SPOCK1: variants seen among roughly 807,000 people sequenced by gnomAD.
The protein encoded by SPOCK1 is SPARC (osteonectin), cwcv and kazal like domains proteoglycan 1.
SPOCK1 carries 23 observed loss-of-function variants against 55.3 expected under a neutral mutation model. The ratio of observed to expected loss-of-function variants is 0.42; its 90% CI spans 0.30 to 0.59. SPOCK1 has a LOEUF of 0.59. Among genes scored for constraint, SPOCK1 ranks in the 20% least tolerant of loss-of-function variants. The pLI, the probability that SPOCK1 is intolerant of heterozygous loss-of-function variation, is 0.22. For synonymous variants in SPOCK1, 226 were observed against 221.0 expected, an observed-to-expected ratio of 1.02 and a Z score of -0.20; for missense variants, 499 against 552.5, an observed-to-expected ratio of 0.90 and a Z score of 0.97.
intron 6 of SPOCK1, among the ~76,000 whole-genome samples, chr5:137,031,938 ATGTG>A (rs1349409736): frequency 1.3e-5 from 2 of 150,682 alleles, no homozygotes; most frequent in African/African-American, 2.4e-5. Context: ...ATACATACAT[ATGTG>A]TGTGTATATT....
intron 3 of SPOCK1, among the ~76,000 whole-genome samples, chr5:137,145,900 A>G (rs1422421512): frequency 2.0e-5 from 3 of 152,308 alleles, no homozygotes; most frequent in South Asian, 2.1e-4. Flanking sequence ...CAAGTGTTTC[A>G]TGAGGCTGGC....
chr5:137,053,149 G>A (rs1054949647), intron 6 of SPOCK1, among the ~76,000 whole-genome samples: 1 of 152,122 alleles, frequency 6.6e-6, no homozygotes, highest in South Asian at 2.1e-4. Flanking sequence ...GGAACTACAT[G>A]CTCCTGAGAC....
chr5:137,214,935 G>A (rs1755686300), intron 3 of SPOCK1, among the ~76,000 whole-genome samples: 1 of 152,106 alleles, frequency 6.6e-6, no homozygotes, highest in Non-Finnish European at 1.5e-5. Context: ...ACCATTACAA[G>A]GGAAAAGTTA....
At chr5:137,285,121 C>T (rs1757237682) in intron 2 of SPOCK1, among the ~76,000 whole-genome samples, 1 of 152,176 alleles carries the variant, frequency 6.6e-6, no homozygotes, top group South Asian at 2.1e-4. Context: ...GGCCCAACAG[C>T]CAAGCGGGTT....
rs201756686 is a variant in SPOCK1 at position 136,988,490 on chromosome 5, G to A, written c.860C>T (p.Ser287Leu). 1.2e-4 allele frequency: 186 copies of A among 1,614,106 alleles called. No individual in the cohort carries two copies. The highest frequency in any genetic ancestry group is 5.5e-5 in the South Asian group (5 of 91,076). Residue 287 changes from serine (S) to leucine (L), a missense_variant, in exon 8 of 11, where the codon TCG becomes TTG. Ser to Leu is a moderately radical substitution (Grantham distance 145). Coordinates refer to ENST00000394945, the MANE Select transcript of SPOCK1 (RefSeq NM_004598.4). ...CTTGCCATCCTTGAAGGAGTCACAC[G>A]AGTTGAAAAGAGGCTTGATACAGGG... ...YEPCIKPLFN[S>L]CDSFKDGKLS...
intron 3 of SPOCK1, among the ~76,000 whole-genome samples, chr5:137,225,605 C>A (rs1755929963): frequency 6.6e-6 from 1 of 152,194 alleles, no homozygotes; most frequent in South Asian, 2.1e-4. Context: ...GGGCATGCCA[C>A]ACGATGCCTC....
intron 2 of SPOCK1, among the ~76,000 whole-genome samples, chr5:137,410,888 G>A (rs1752196606): frequency 6.6e-6 from 1 of 152,178 alleles, no homozygotes; most frequent in South Asian, 2.1e-4. Context: ...CACAGAAAAG[G>A]CAGAAATACC....
chr5:137,036,364 T>C (rs527642237), intron 6 of SPOCK1, among the ~76,000 whole-genome samples: 1 of 152,138 alleles, frequency 6.6e-6, no homozygotes, highest in Non-Finnish European at 1.5e-5. Context: ...GCAAGACATA[T>C]GAAGACTTCT....
chr5:136,983,126 G>A (rs1032867434), intron 9 of SPOCK1, among the ~76,000 whole-genome samples: 2 of 152,182 alleles, frequency 1.3e-5, no homozygotes, highest in Admixed American at 1.3e-4. Flanking sequence ...TGAAAACAGA[G>A]GTTCCTGCCT....
intron 5 of SPOCK1, among the ~76,000 whole-genome samples, chr5:137,097,167 G>A (rs1269299144): frequency 6.6e-6 from 1 of 152,170 alleles, no homozygotes; most frequent in East Asian, 1.9e-4. Context: ...TGATGCCCAG[G>A]TCAAGGGAAG....
chr5:137,354,797 G>T (rs1405074826), intron 2 of SPOCK1, among the ~76,000 whole-genome samples: 2 of 152,210 alleles, frequency 1.3e-5, no homozygotes, highest in African/African-American at 4.8e-5. Context: ...GGAAAGGATT[G>T]GCCCGTAGGA....
chr5:137,335,313 A>T (rs1432976590), intron 2 of SPOCK1, among the ~76,000 whole-genome samples: 1 of 152,220 alleles, frequency 6.6e-6, no homozygotes, highest in Non-Finnish European at 1.5e-5. Flanking sequence ...CCTGTTTTTT[A>T]AAAAATATGC....
intron 2 of SPOCK1, among the ~76,000 whole-genome samples, chr5:137,442,160 C>A (rs1267806274): frequency 4.6e-5 from 7 of 152,258 alleles, no homozygotes; most frequent in Admixed American, 3.3e-4. Context: ...GCTAGTCCAG[C>A]TGCAGACTAA....
intron 5 of SPOCK1, among the ~76,000 whole-genome samples, chr5:137,103,023 C>G (rs1196777371): frequency 6.6e-6 from 1 of 152,030 alleles, no homozygotes; most frequent in African/African-American, 2.4e-5. Flanking sequence ...TAGAATCTTG[C>G]TCTGTTGCCC....
intron 3 of SPOCK1, among the ~76,000 whole-genome samples, chr5:137,146,090 G>A (rs1754186269): frequency 6.6e-6 from 1 of 152,158 alleles, no homozygotes; most frequent in African/African-American, 2.4e-5. Context: ...GGCAGGAAGA[G>A]GGAACCCTAA....
At chr5:137,199,428 T>C (rs1238331240) in intron 3 of SPOCK1, among the ~76,000 whole-genome samples, 2 of 152,140 alleles carry the variant, frequency 1.3e-5, no homozygotes, top group African/African-American at 4.8e-5. Flanking sequence ...CTGGGTTGCA[T>C]GAGTCACAAC....
At chr5:137,062,987 C>T (rs899708907) in intron 6 of SPOCK1, among the ~76,000 whole-genome samples, 3 of 151,728 alleles carry the variant, frequency 2.0e-5, no homozygotes, top group Non-Finnish European at 4.4e-5. Flanking sequence ...GTAATCCCAG[C>T]ACTTTGGGAG....
chr5:137,192,476 T>C (rs1755201857), intron 3 of SPOCK1, among the ~76,000 whole-genome samples: 1 of 152,090 alleles, frequency 6.6e-6, no homozygotes, highest in African/African-American at 2.4e-5. Context: ...GGCATGGAGT[T>C]AGCTTACATT....
At chr5:137,404,205 A>G (rs1354054468) in intron 2 of SPOCK1, among the ~76,000 whole-genome samples, 2 of 152,206 alleles carry the variant, frequency 1.3e-5, no homozygotes, top group Non-Finnish European at 2.9e-5. Context: ...GTAGAAACAG[A>G]AAAAAGCTGC....
Sources: allele counts gnomAD v4.1 joint callset (sites outside exome capture counted in the v4.1 genomes callset), GRCh38; gene constraint gnomAD v4.1.1; transcripts MANE v1.5; gene names NCBI Gene and HGNC (gene_info 2026-07-23, HGNC 2026-07-21).